SESTD1: variants seen among roughly 807,000 people sequenced by gnomAD.
SESTD1 encodes SEC14 domain and spectrin repeat-containing protein 1.
SESTD1 carries 43 observed loss-of-function variants against 101.7 expected under a neutral mutation model. That is an observed-to-expected ratio of 0.42 (90% CI 0.33 to 0.55). The LOEUF (loss-of-function observed/expected upper bound fraction) is 0.55. Ranked by LOEUF, SESTD1 falls within the 20% of genes least tolerant of loss-of-function variation. The pLI is 0.07. For missense variants in SESTD1, 647 were observed against 815.1 expected, an observed-to-expected ratio of 0.79 and a Z score of 2.51; for synonymous variants, 283 against 286.8, an observed-to-expected ratio of 0.99 and a Z score of 0.13.
chr2:179,110,097 G>C (rs992847800), intron 17 of SESTD1, 69 bp from the exon 18 acceptor site: 1 of 1,511,170 alleles, frequency 6.6e-7, no homozygotes, highest in Admixed American at 1.9e-5. Context: ...AATACAAATA[G>C]AAGCAAAAAT....
At chr2:179,117,480 A>G in intron 14 of SESTD1, 52 bp downstream of exon 14, 1 of 1,466,500 alleles carries the variant, frequency 6.8e-7, no homozygotes, top group South Asian at 1.3e-5. Flanking sequence ...AGTTAGATAA[A>G]ATCAATCTTC....
intron 1 of SESTD1, among the ~76,000 whole-genome samples, chr2:179,234,262 A>C (rs2047029497): frequency 6.6e-6 from 1 of 152,076 alleles, no homozygotes; most frequent in Admixed American, 6.5e-5. Context: ...CTGCTTGCTG[A>C]CTCTGCAGAT....
intron 5 of SESTD1, among the ~76,000 whole-genome samples, chr2:179,169,987 A>C (rs1041553787): frequency 1.3e-5 from 2 of 151,928 alleles, no homozygotes; most frequent in Non-Finnish European, 2.9e-5. Context: ...AAAAAAAAAA[A>C]AAAACCTGAA....
chr2:179,237,084 T>G (rs1201615895), intron 1 of SESTD1, among the ~76,000 whole-genome samples: 1 of 145,250 alleles, frequency 6.9e-6, no homozygotes, highest in Non-Finnish European at 1.6e-5. Flanking sequence ...TTGCAAATGT[T>G]GCACTTGCCC....
intron 3 of SESTD1, among the ~76,000 whole-genome samples, chr2:179,182,210 A>G (rs1052187736): frequency 6.6e-6 from 1 of 152,146 alleles, no homozygotes; most frequent in Non-Finnish European, 1.5e-5. Context: ...TAAGAGCAGT[A>G]TATGAGATAG....
chr2:179,244,356 G>C (rs2047199577), intron 1 of SESTD1, among the ~76,000 whole-genome samples: 1 of 151,930 alleles, frequency 6.6e-6, no homozygotes, highest in Admixed American at 6.6e-5. Flanking sequence ...CTACTCGGGA[G>C]GCTGAGACAG....
chr2:179,146,899 C>T (rs1464655100), intron 7 of SESTD1, among the ~76,000 whole-genome samples: 1 of 127,916 alleles, frequency 7.8e-6, no homozygotes, highest in African/African-American at 3.7e-5. Context: ...GTCTTATATT[C>T]CAGGGGTGTG....
intron 3 of SESTD1, among the ~76,000 whole-genome samples, chr2:179,178,273 T>C (rs893157799): frequency 1.3e-5 from 2 of 152,112 alleles, no homozygotes; most frequent in African/African-American, 4.8e-5. Flanking sequence ...AAATATTCCT[T>C]GGGAAAAACT....
chr2:179,175,640 T>A (rs1235951210), intron 4 of SESTD1, among the ~76,000 whole-genome samples: 1 of 152,240 alleles, frequency 6.6e-6, no homozygotes, highest in Non-Finnish European at 1.5e-5. Flanking sequence ...ATTAAAATTT[T>A]ACCTCTCTAG....
At chr2:179,139,619 T>C (rs1199387196) in intron 9 of SESTD1, among the ~76,000 whole-genome samples, 1 of 152,152 alleles carries the variant, frequency 6.6e-6, no homozygotes, top group African/African-American at 2.4e-5. Context: ...AGTTTTCACT[T>C]TGAGACATTC....
intron 1 of SESTD1, among the ~76,000 whole-genome samples, chr2:179,246,265 A>G (rs1463897575): frequency 2.0e-5 from 3 of 151,760 alleles, no homozygotes. Context: ...AAAAAAAAAA[A>G]AAAAAAAAAA....
Position 179,102,535 on chromosome 2 carries a change from T to C in SESTD1, c.*7364A>G, listed in dbSNP as rs1361685500. On this transcript the variant is annotated 3_prime_UTR_variant, in exon 18 of 18. Coordinates refer to ENST00000428443, the MANE Select transcript of SESTD1 (RefSeq NM_178123.5). ...GCTGCCATTATAGTTGTTAACATTTTTATTGCATATTTACAATGTGTGGAA... is the reference window on the plus strand; with the variant it reads ...GCTGCCATTATAGTTGTTAACATTTCTATTGCATATTTACAATGTGTGGAA... 1 of 152,156 alleles carries C rather than the reference T, an allele frequency of 6.6e-6. No homozygotes were observed. Among genetic ancestry groups the C allele is most frequent in the East Asian group, 1.9e-4 (1 of 5,196 alleles). The allele number at this position is 152,156 out of a possible 1,614,324, so 9.4% of individuals were successfully genotyped here. A position where few individuals can be genotyped will look rare whatever the true frequency, so the allele number is the denominator to read the frequency against.
chr2:179,160,318 G>A (rs2045711060), intron 5 of SESTD1, among the ~76,000 whole-genome samples: 1 of 151,950 alleles, frequency 6.6e-6, no homozygotes, highest in African/African-American at 2.4e-5. Context: ...AAGAAACAAT[G>A]ACACAATTGC....
chr2:179,160,186 A>T (rs764137964), intron 5 of SESTD1, among the ~76,000 whole-genome samples: 62 of 152,320 alleles, frequency 4.1e-4, no homozygotes, highest in Non-Finnish European at 1.3e-4. Context: ...GTCCATCCTC[A>T]GAGAGCAATT....
chr2:179,110,772 A>C (rs13021442), intron 17 of SESTD1, among the ~76,000 whole-genome samples: 10,163 of 152,310 alleles, frequency 0.067, 454 homozygotes, highest in South Asian at 0.21. Flanking sequence ...GATTACCATT[A>C]TATTAATAAT....
intron 5 of SESTD1, among the ~76,000 whole-genome samples, chr2:179,161,297 C>A (rs6433761): frequency 0.47 from 71,303 of 151,888 alleles, 20,358 homozygotes; most frequent in African/African-American, 0.81. Flanking sequence ...GACATTAAGG[C>A]TCTTCAGTTA....
intron 1 of SESTD1, among the ~76,000 whole-genome samples, chr2:179,200,318 A>C (rs2046486093): frequency 6.6e-6 from 1 of 152,294 alleles, no homozygotes; most frequent in Middle Eastern, 3.4e-3. Flanking sequence ...GGTAGGAAGA[A>C]TCAATATCGT....
At chr2:179,136,467 A>T (rs181952196) in intron 9 of SESTD1, among the ~76,000 whole-genome samples, 2 of 152,246 alleles carry the variant, frequency 1.3e-5, no homozygotes, top group African/African-American at 4.8e-5. Flanking sequence ...TTAAGGAAAC[A>T]TAGGTAAACA....
intron 13 of SESTD1, among the ~76,000 whole-genome samples, chr2:179,120,012 C>T (rs967149713): frequency 2.0e-4 from 30 of 152,184 alleles, no homozygotes; most frequent in African/African-American, 7.0e-4. Flanking sequence ...GGGCGGATCA[C>T]GAGGTCAGGA....
Sources: allele counts gnomAD v4.1 joint callset (sites outside exome capture counted in the v4.1 genomes callset), GRCh38; gene constraint gnomAD v4.1.1; transcripts MANE v1.5; gene names NCBI Gene and HGNC (gene_info 2026-07-23, HGNC 2026-07-21).